The following FRMD7 variants were observed in gnomAD, a reference collection of about 807,000 sequenced individuals.
The protein encoded by FRMD7 is FERM domain-containing protein 7.
In FRMD7, 14 loss-of-function variants were observed where a neutral mutation model predicts 44.1. That is an observed-to-expected ratio of 0.32 (90% CI 0.21 to 0.50). The LOEUF is 0.50. Ranked by LOEUF, FRMD7 falls within the 20% of genes least tolerant of loss-of-function variation. The pLI is 0.99. For missense variants in FRMD7, 501 were observed against 522.3 expected (o/e 0.96, Z 0.40); for synonymous variants, 212 against 187.4 (o/e 1.13, Z -1.07).
At chrX:132,080,316 G>A in intron 9 of FRMD7, 50 bp from the exon 10 acceptor site, 1 of 835,608 alleles carries the variant, frequency 1.2e-6, no homozygotes. Context: ...AAACCAATAG[G>A]CTACTAAAAC....
Position 132,126,097 on chromosome X carries a change from T to TATC in FRMD7, c.57+1688_57+1690dup, listed in dbSNP as rs59070665. On this transcript the variant is annotated intron_variant, in intron 1 of 11. Transcript: ENST00000298542. ...TCACCACCATTATCATCATCATCAC[T>TATC]ATCATCATCATCATCATCATCATCA... 2.2e-4 allele frequency among the ~76,000 whole-genome samples: 24 copies of TATC among 107,126 alleles called. 2 individuals carry two copies. Among genetic ancestry groups the TATC allele is most frequent in the South Asian group, 1.2e-3 (3 of 2,514 alleles). The allele number at this position is 107,126 out of a possible 115,157, so 93.0% of individuals were successfully genotyped here.
At chrX:132,114,676 C>T (rs1459005840) in intron 1 of FRMD7, among the ~76,000 whole-genome samples, 1 of 111,986 alleles carries the variant, frequency 8.9e-6, no homozygotes, top group African/African-American at 3.2e-5. Context: ...AGGAGTGTCT[C>T]ATTTCCCATC....
chrX:132,117,495 T>C (rs1928930573), intron 1 of FRMD7, among the ~76,000 whole-genome samples: 1 of 112,557 alleles, frequency 8.9e-6, no homozygotes, highest in Non-Finnish European at 1.9e-5. Context: ...TCATTGGAAC[T>C]GTGTTTTCAA....
chrX:132,118,617 A>G (rs1356346676), intron 1 of FRMD7, among the ~76,000 whole-genome samples: 1 of 111,160 alleles, frequency 9.0e-6, no homozygotes, highest in Non-Finnish European at 1.9e-5. Flanking sequence ...ATCTGCACAA[A>G]AGCATCTGAT....
At chrX:132,081,287 G>A (rs770776663) in intron 9 of FRMD7, among the ~76,000 whole-genome samples, 16 of 110,490 alleles carry the variant, frequency 1.4e-4, no homozygotes, top group Non-Finnish European at 5.7e-5. Flanking sequence ...AGCCGAGATC[G>A]CGCCACTGCA....
At chrX:132,093,399 C>T (rs1928237743) in intron 5 of FRMD7, among the ~76,000 whole-genome samples, 1 of 112,307 alleles carries the variant, frequency 8.9e-6, no homozygotes, top group Non-Finnish European at 1.9e-5. Context: ...CTGCCTATAC[C>T]CTGCCCTTGG....
chrX:132,104,654 C>T (rs772984479), intron 1 of FRMD7, among the ~76,000 whole-genome samples: 2 of 111,608 alleles, frequency 1.8e-5, no homozygotes, highest in Non-Finnish European at 3.8e-5. Context: ...AATCGTGCCA[C>T]TGCACTCCAG....
chrX:132,103,309 T>G (rs1372367237), intron 1 of FRMD7, among the ~76,000 whole-genome samples: 4 of 111,760 alleles, frequency 3.6e-5, no homozygotes, highest in African/African-American at 9.7e-5. Context: ...CTTTTCTGTT[T>G]TCTCTGGACT....
In FRMD7 at chrX:132,088,051, G is replaced by A. The variant is rs1928051539; in HGVS notation, c.383-2017C>T. On this transcript the variant is annotated intron_variant, in intron 5 of 11. Coordinates refer to ENST00000298542, the MANE Select transcript of FRMD7 (RefSeq NM_194277.3). Reference sequence around the variant, plus strand: ...ACAAAACAAAACACTTAACAAACAAGGAATATACCAAATGGTGAGAAACTA... The same window carrying A: ...ACAAAACAAAACACTTAACAAACAAAGAATATACCAAATGGTGAGAAACTA... Among the ~76,000 whole-genome samples the A allele has an allele frequency of 3.6e-5, 4 of 112,097 alleles. No individual in the cohort carries two copies. In the South Asian group the frequency reaches 1.5e-3, roughly 41 times the overall value.
chrX:132,084,410 A>G, intron 8 of FRMD7, 80 bp downstream of exon 8: 1 of 611,932 alleles, frequency 1.6e-6, no homozygotes, highest in Non-Finnish European at 2.9e-6. Context: ...TTTACAATTT[A>G]CATTCAAACG....
At chrX:132,125,523 A>G (rs921455990) in intron 1 of FRMD7, among the ~76,000 whole-genome samples, 1 of 111,739 alleles carries the variant, frequency 8.9e-6, no homozygotes, top group African/African-American at 3.3e-5. Context: ...TTATGGTTCC[A>G]AGCATTTCTT....
intron 1 of FRMD7, among the ~76,000 whole-genome samples, chrX:132,101,929 G>C (rs1365633720): frequency 9.0e-6 from 1 of 111,461 alleles, no homozygotes; most frequent in Non-Finnish European, 1.9e-5. Flanking sequence ...GGAAAATTGA[G>C]CCCTGGCTGA....
At chrX:132,085,764 C>G in intron 6 of FRMD7, 36 bp from the exon 7 acceptor site, 1 of 1,181,136 alleles carries the variant, frequency 8.5e-7, no homozygotes, top group South Asian at 1.8e-5. Context: ...CTAATAAATG[C>G]CTCAAGAATG....
At chrX:132,112,768 T>A (rs1928809905) in intron 1 of FRMD7, among the ~76,000 whole-genome samples, 1 of 110,496 alleles carries the variant, frequency 9.1e-6, no homozygotes, top group South Asian at 3.9e-4. Flanking sequence ...CAAACCAAGC[T>A]AGGAAGAGAA....
intron 1 of FRMD7, among the ~76,000 whole-genome samples, chrX:132,125,160 G>A (rs1480817572): frequency 9.0e-6 from 1 of 111,647 alleles, no homozygotes; most frequent in Non-Finnish European, 1.9e-5. Context: ...GTGGAGTAGT[G>A]ACAAAACAGG....
intron 1 of FRMD7, among the ~76,000 whole-genome samples, chrX:132,110,445 G>C (rs149378699): frequency 1.8e-5 from 2 of 111,387 alleles, no homozygotes; most frequent in South Asian, 7.6e-4. Flanking sequence ...AGAGATTCCT[G>C]GTATTCTCTT....
rs1325331983 is a variant in FRMD7 at position 132,078,392 on chromosome X, C to T, written c.1625G>A (p.Ser542Asn). The T allele has an allele frequency of 3.1e-5, 38 of 1,211,440 alleles. No individual in the cohort carries two copies. The highest frequency in any genetic ancestry group is 4.2e-5 in the Non-Finnish European group (38 of 895,185). The change falls in exon 12 of 12, where the codon AGC becomes AAC. Residue 542 changes from serine to asparagine, a missense_variant. Transcript: ENST00000298542. ...ERSPRNIRMKSFQQDLQVLQE... is the reference protein window; with the variant it reads ...ERSPRNIRMKNFQQDLQVLQE... ...GAGTACTTGCAGGTCTTGCTGAAAG[C>T]TCTTCATTCTGATATTCCTTGGGCT...
chrX:132,105,097 T>C (rs747772089), intron 1 of FRMD7, among the ~76,000 whole-genome samples: 1 of 111,730 alleles, frequency 9.0e-6, no homozygotes, highest in South Asian at 3.8e-4. Context: ...ACTCACTGCT[T>C]TGAAATCATT....
At chrX:132,088,564 A>G (rs1330595867) in intron 5 of FRMD7, among the ~76,000 whole-genome samples, 1 of 110,426 alleles carries the variant, frequency 9.1e-6, no homozygotes, top group Non-Finnish European at 1.9e-5. Flanking sequence ...TCTCAAAAAA[A>G]AAAAAAGGAA....
Sources: allele counts gnomAD v4.1 joint callset (sites outside exome capture counted in the v4.1 genomes callset), GRCh38; gene constraint gnomAD v4.1.1; transcripts MANE v1.5; gene names NCBI Gene and HGNC (gene_info 2026-07-23, HGNC 2026-07-21).